CPE: variants seen among roughly 807,000 people sequenced by gnomAD.
CPE encodes the protein carboxypeptidase E, also known as carbocypeptidase E.
CPE carries 17 observed loss-of-function variants against 53.5 expected under a neutral mutation model. The observed-to-expected ratio is 0.32, with a 90% CI of 0.22 to 0.48. CPE has a LOEUF of 0.48. CPE is among the 20% of genes least tolerant of loss of function. The probability of loss-of-function intolerance (pLI) is 0.99; values close to 1 mark genes in which losing one functional copy is unlikely to be tolerated. For missense variants in CPE, 524 were observed against 614.7 expected, an observed-to-expected ratio of 0.85 and a Z score of 1.56; for synonymous variants, 226 against 228.8, an observed-to-expected ratio of 0.99 and a Z score of 0.11.
intron 4 of CPE, among the ~76,000 whole-genome samples, chr4:165,482,733 T>C (rs1196342277): frequency 1.3e-5 from 2 of 152,136 alleles, no homozygotes; most frequent in Non-Finnish European, 2.9e-5. Flanking sequence ...AGCCTCTTGG[T>C]GCTTGATCAG....
chr4:165,405,668 C>T (rs1730941551), intron 1 of CPE: 1 of 783,868 alleles, frequency 1.3e-6, no homozygotes, highest in Admixed American at 1.7e-5. Context: ...ATTGTCCATT[C>T]CTCTGGAAGT....
At chr4:165,418,824 A>G (rs1252101928) in intron 1 of CPE, among the ~76,000 whole-genome samples, 1 of 152,220 alleles carries the variant, frequency 6.6e-6, no homozygotes, top group African/African-American at 2.4e-5. Flanking sequence ...ACAAATCACA[A>G]TGCTAACTTT....
intron 1 of CPE, among the ~76,000 whole-genome samples, chr4:165,423,044 G>A (rs1163796741): frequency 6.6e-6 from 1 of 151,202 alleles, no homozygotes; most frequent in African/African-American, 2.4e-5. Flanking sequence ...TCGAAGAAGG[G>A]AGGGGTGTTC....
At chr4:165,430,050 AT>A (rs200592470) in intron 1 of CPE, among the ~76,000 whole-genome samples, 9,923 of 151,882 alleles carry the variant, frequency 0.065, 390 homozygotes, top group Middle Eastern at 0.096. Flanking sequence ...ATATCAAAAA[AT>A]AAAAATAAAA....
At chr4:165,381,688 C>A (rs902608786) in intron 1 of CPE, among the ~76,000 whole-genome samples, 1 of 152,130 alleles carries the variant, frequency 6.6e-6, no homozygotes, top group Non-Finnish European at 1.5e-5. Flanking sequence ...CCTCCATCAC[C>A]TTTTATGAGC....
intron 1 of CPE, among the ~76,000 whole-genome samples, chr4:165,426,229 T>C (rs1203096207): frequency 6.6e-6 from 1 of 152,242 alleles, no homozygotes; most frequent in Non-Finnish European, 1.5e-5. Context: ...TATTTCTGTA[T>C]TTCTAAAAAG....
At chr4:165,480,234 T>C (rs945315435) in intron 3 of CPE, among the ~76,000 whole-genome samples, 1 of 152,186 alleles carries the variant, frequency 6.6e-6, no homozygotes, top group Non-Finnish European at 1.5e-5. Context: ...ATACTGTTGC[T>C]GGTTATATTT....
intron 1 of CPE, among the ~76,000 whole-genome samples, chr4:165,452,185 T>C (rs1429502484): frequency 6.6e-6 from 1 of 152,166 alleles, no homozygotes; most frequent in African/African-American, 2.4e-5. Context: ...AGTTAGTTAA[T>C]GGACACAGTT....
At chr4:165,390,166 C>G (rs574542767) in intron 1 of CPE, among the ~76,000 whole-genome samples, 1 of 152,308 alleles carries the variant, frequency 6.6e-6, no homozygotes, top group African/African-American at 2.4e-5. Flanking sequence ...AGGTGGCTAT[C>G]TTTGGCAGAT....
At chr4:165,386,188 T>C in intron 1 of CPE, 1 of 507,674 alleles carries the variant, frequency 2.0e-6, no homozygotes, top group South Asian at 1.5e-5. Flanking sequence ...CTTAATTCAA[T>C]ATGTGGCAAC....
chr4:165,424,523 T>G (rs1040801595), intron 1 of CPE, among the ~76,000 whole-genome samples: 3 of 150,396 alleles, frequency 2.0e-5, no homozygotes, highest in Non-Finnish European at 3.0e-5. Context: ...AATTTTTATT[T>G]ATTTGTATTT....
intron 7 of CPE, 55 bp from the exon 8 acceptor site, chr4:165,495,504 G>A (rs1732691586): frequency 2.5e-6 from 3 of 1,183,168 alleles, no homozygotes; most frequent in African/African-American, 3.0e-5. Context: ...ATTATGCATT[G>A]TGTAATTCTG....
chr4:165,468,812 A>G (rs760562079), intron 3 of CPE, among the ~76,000 whole-genome samples: 2 of 152,126 alleles, frequency 1.3e-5, no homozygotes, highest in Non-Finnish European at 2.9e-5. Context: ...CACACAAATT[A>G]TTGCTCTTTT....
chr4:165,458,586 CT>C (rs1310419382), intron 1 of CPE, among the ~76,000 whole-genome samples: 1 of 152,158 alleles, frequency 6.6e-6, no homozygotes, highest in South Asian at 2.1e-4. Context: ...CCTTAACCTA[CT>C]TTTTTTCCCT....
chr4:165,475,591 A>G (rs1732284470), intron 3 of CPE, among the ~76,000 whole-genome samples: 1 of 152,204 alleles, frequency 6.6e-6, no homozygotes, highest in South Asian at 2.1e-4. Context: ...GCTGGTGTAC[A>G]AGGCCATTTG....
At chr4:165,464,330 CA>C in intron 1 of CPE, 59 bp from the exon 2 acceptor site, 1 of 1,291,284 alleles carries the variant, frequency 7.7e-7, no homozygotes, top group Non-Finnish European at 1.1e-6. Context: ...TGTAGGTATA[CA>C]ATATATTTGG....
chr4:165,411,900 G>A (rs534853529), intron 1 of CPE, among the ~76,000 whole-genome samples: 16 of 152,172 alleles, frequency 1.1e-4, no homozygotes, highest in South Asian at 6.2e-4. Flanking sequence ...GGGTAGTGGG[G>A]GCCAGAGAGT....
Position 165,379,475 on chromosome 4 carries a change from G to A in CPE, c.254G>A (p.Gly85Asp). ...TACACGGTGGGGCGCAGCTTCGAGG[G>A]CCGGGAGCTCCTGGTCATCGAGCTG... is the stretch of plus-strand genomic sequence containing the variant. ...RIYTVGRSFE[G>D]RELLVIELSD... The change falls in exon 1 of 9, where the codon GGC (glycine) becomes GAC (aspartate). Residue 85 changes from glycine (G) to aspartate (D), a missense_variant. Gly to Asp is a moderately conservative substitution (Grantham distance 94, BLOSUM62 -1). Coordinates refer to ENST00000402744, the MANE Select transcript of CPE (RefSeq NM_001873.4). This position sits in a 1 kb window ranked among gnomAD's most constrained non-coding sequence, Gnocchi z 6.0. The A allele has an allele frequency of 6.2e-7, 1 of 1,603,194 alleles. No individual in the cohort carries two copies. The highest frequency in any genetic ancestry group is 8.5e-7 in the Non-Finnish European group (1 of 1,173,348).
chr4:165,461,166 CAAAAAAAAAAAA>C (rs1173022270), intron 1 of CPE, among the ~76,000 whole-genome samples: 17 of 44,202 alleles, frequency 3.8e-4, no homozygotes, highest in Non-Finnish European at 1.9e-4. Context: ...GCCTCTGCCT[CAAAAAAAAAAAA>C]AAAAAAAAAG....
Sources: gnomAD v4.1 joint callset for allele counts (sites outside exome capture counted in the v4.1 genomes callset) on GRCh38, gnomAD v4.1.1 for gene constraint, Gnocchi (gnomAD v3.1) non-coding constraint, MANE v1.5 for transcripts, NCBI Gene and HGNC (gene_info 2026-07-23, HGNC 2026-07-21) for gene names.